Variants in CLIC5 observed in about 807,000 individuals in gnomAD.
The protein encoded by CLIC5 is chloride intracellular channel protein 5.
In CLIC5, 20 loss-of-function variants were observed where a neutral mutation model predicts 24.7. The observed-to-expected ratio is 0.81, with a 90% CI of 0.57 to 1.18. The LOEUF (loss-of-function observed/expected upper bound fraction) is 1.18, where lower values mean the gene tolerates loss of function less well. Among genes scored for constraint, CLIC5 ranks in the 50% most tolerant of loss-of-function variants. The pLI is 0.00. For synonymous variants in CLIC5, 159 were observed against 135.6 expected, an observed-to-expected ratio of 1.17 and a Z score of -1.20; for missense variants, 341 against 326.1, an observed-to-expected ratio of 1.05 and a Z score of -0.35.
intron 1 of CLIC5, among the ~76,000 whole-genome samples, chr6:46,032,543 C>G (rs1335961187): frequency 1.3e-5 from 2 of 152,208 alleles, no homozygotes; most frequent in African/African-American, 4.8e-5. Context: ...CCAAGGCATG[C>G]CAGCATGCTG....
intron 2 of CLIC5, among the ~76,000 whole-genome samples, chr6:45,950,552 C>A (rs1764437516): frequency 6.6e-6 from 1 of 152,178 alleles, no homozygotes; most frequent in Non-Finnish European, 1.5e-5. Context: ...GTCTGGGGGA[C>A]AGAGTGAGAC....
chr6:46,002,941 C>T (rs752758878), intron 1 of CLIC5, among the ~76,000 whole-genome samples: 13 of 152,186 alleles, frequency 8.5e-5, no homozygotes, highest in Non-Finnish European at 1.6e-4. Context: ...TCTGATTTAG[C>T]GCAGCAATTT....
At chr6:46,065,812 T>G (rs1414053993) in intron 1 of CLIC5, among the ~76,000 whole-genome samples, 2 of 152,166 alleles carry the variant, frequency 1.3e-5, no homozygotes, top group African/African-American at 4.8e-5. Context: ...GTGATGGGAA[T>G]GTGCCACATC....
chr6:46,094,165 T>C, the CLIC5 span, among the ~76,000 whole-genome samples: 1 of 152,178 alleles, frequency 6.6e-6, no homozygotes, highest in Non-Finnish European at 1.5e-5. Context: ...AAGCCAATCA[T>C]CTTCCACCAG....
intron 1 of CLIC5, among the ~76,000 whole-genome samples, chr6:46,022,614 T>C (rs1341829743): frequency 2.6e-5 from 4 of 152,222 alleles, no homozygotes; most frequent in Admixed American, 6.5e-5. Flanking sequence ...TAAGGTGTCC[T>C]TGGGCATGGC....
intron 5 of CLIC5, among the ~76,000 whole-genome samples, chr6:45,906,393 A>G (rs1296747101): frequency 6.6e-6 from 1 of 152,128 alleles, no homozygotes; most frequent in Non-Finnish European, 1.5e-5. Context: ...TTCCTTAAGT[A>G]GTGTTTTATA....
chr6:46,104,039 C>A, the CLIC5 span, among the ~76,000 whole-genome samples: 1 of 152,168 alleles, frequency 6.6e-6, no homozygotes, highest in Non-Finnish European at 1.5e-5. Flanking sequence ...TCAAGTACAA[C>A]TCTGTGTACT....
chr6:45,966,085 CA>C (rs990173814), intron 1 of CLIC5, among the ~76,000 whole-genome samples: 3 of 152,148 alleles, frequency 2.0e-5, no homozygotes, highest in Non-Finnish European at 4.4e-5. Flanking sequence ...ACTTTAGAGA[CA>C]TCCCAAAATC....
At chr6:46,049,629 C>T (rs1646017823) in intron 1 of CLIC5, among the ~76,000 whole-genome samples, 1 of 152,194 alleles carries the variant, frequency 6.6e-6, no homozygotes. Flanking sequence ...CAAGAGCAGT[C>T]AACCTGGCTG....
At chr6:46,023,440 G>A (rs1310717827) in intron 1 of CLIC5, among the ~76,000 whole-genome samples, 1 of 152,164 alleles carries the variant, frequency 6.6e-6, no homozygotes, top group East Asian at 1.9e-4. Flanking sequence ...TAAAGCCCAG[G>A]ATGTGGTTGG....
At chr6:45,923,202 T>A (rs549541674) in intron 4 of CLIC5, among the ~76,000 whole-genome samples, 1 of 152,296 alleles carries the variant, frequency 6.6e-6, no homozygotes, top group East Asian at 1.9e-4. Flanking sequence ...ATCTGTGAGT[T>A]TTTTTATGGT....
Position 46,033,589 on chromosome 6 carries a change from G to A in CLIC5, c.540+46114C>T, listed in dbSNP as rs375510388. 9.5e-4 allele frequency among the ~76,000 whole-genome samples: 144 copies of A among 152,242 alleles called. 4 individuals are homozygous for A. In the South Asian group the frequency reaches 0.026, roughly 28 times the overall value. ...GTCTCCATAGCCTTGCCACCTAATGGGCCCACACATGGGAAGACCTGCCAG... is the reference window on the plus strand; with the variant it reads ...GTCTCCATAGCCTTGCCACCTAATGAGCCCACACATGGGAAGACCTGCCAG... On this transcript the variant is annotated intron_variant, in intron 1 of 5. Transcript: ENST00000185206.
intron 1 of CLIC5, among the ~76,000 whole-genome samples, chr6:46,072,853 G>C (rs1204174551): frequency 6.6e-6 from 1 of 152,212 alleles, no homozygotes; most frequent in Non-Finnish European, 1.5e-5. Context: ...ATTTCTGAGA[G>C]TTCATGGACC....
At chr6:45,911,986 T>G in intron 5 of CLIC5, 1 of 985,512 alleles carries the variant, frequency 1.0e-6, no homozygotes, top group Non-Finnish European at 1.2e-6. Context: ...GGGATGGAGA[T>G]AAACCTGAAA....
chr6:45,919,113 G>A (rs1213438981), intron 4 of CLIC5: 35 of 985,038 alleles, frequency 3.6e-5, no homozygotes, highest in Non-Finnish European at 4.1e-5. Flanking sequence ...CGTCCATTTT[G>A]GATTATAACC....
At chr6:45,921,386 G>A (rs779925948) in intron 4 of CLIC5, among the ~76,000 whole-genome samples, 51 of 152,184 alleles carry the variant, frequency 3.4e-4, no homozygotes, top group African/African-American at 1.1e-3. Flanking sequence ...CGAGTATGTC[G>A]GGGAGCCATG....
intron 3 of CLIC5, among the ~76,000 whole-genome samples, chr6:45,944,337 A>G (rs1764222450): frequency 6.6e-6 from 1 of 152,108 alleles, no homozygotes; most frequent in South Asian, 2.1e-4. Flanking sequence ...ATACTAGTTT[A>G]TGGCTTCTTT....
intron 4 of CLIC5, among the ~76,000 whole-genome samples, chr6:45,929,182 A>G (rs1363734614): frequency 2.0e-5 from 3 of 152,028 alleles, no homozygotes; most frequent in African/African-American, 7.2e-5. Context: ...CGCCTTCCTT[A>G]CAACTGCCCA....
At chr6:45,896,271 C>G (rs1407168585), downstream of CLIC5, among the ~76,000 whole-genome samples, 3 of 152,214 alleles carry the variant, frequency 2.0e-5, no homozygotes, top group Non-Finnish European at 2.9e-5. Flanking sequence ...AAGAAGAGCA[C>G]AGAGAGACCT....
Sources: allele counts gnomAD v4.1 joint callset (sites outside exome capture counted in the v4.1 genomes callset), GRCh38; gene constraint gnomAD v4.1.1; transcripts MANE v1.5; gene names NCBI Gene and HGNC (gene_info 2026-07-23, HGNC 2026-07-21).